SRGAP1: variants seen among roughly 807,000 people sequenced by gnomAD.
SRGAP1 encodes SLIT-ROBO Rho GTPase-activating protein 1.
SRGAP1 carries 43 observed loss-of-function variants against 121.9 expected under a neutral mutation model. That is an observed-to-expected ratio of 0.35 (90% CI 0.28 to 0.46). SRGAP1 has a LOEUF of 0.46. SRGAP1 is among the 20% of genes least tolerant of loss of function. The pLI is 1.00. For synonymous variants in SRGAP1, 447 were observed against 485.4 expected (o/e 0.92, Z 1.04); for missense variants, 1,102 against 1,350.9 (o/e 0.82, Z 2.89).
At chr12:63,989,785 C>G (rs747270971) in intron 2 of SRGAP1, 125 bp from the exon 3 acceptor site, 1 of 663,350 alleles carries the variant, frequency 1.5e-6, no homozygotes, top group Non-Finnish European at 2.6e-6. Context: ...CTGAGAAATG[C>G]TCAGAGCAGG....
chr12:64,128,522 C>T (rs563986286), intron 21 of SRGAP1, among the ~76,000 whole-genome samples: 14 of 152,230 alleles, frequency 9.2e-5, no homozygotes, highest in African/African-American at 3.4e-4. Flanking sequence ...AGTGGCCCTG[C>T]CAGATCCTAA....
chr12:64,132,791 G>A (rs1024202566), intron 21 of SRGAP1, among the ~76,000 whole-genome samples: 1 of 152,224 alleles, frequency 6.6e-6, no homozygotes, highest in Non-Finnish European at 1.5e-5. Flanking sequence ...AAGCAATCAA[G>A]GTCTCTCCGA....
intron 3 of SRGAP1, among the ~76,000 whole-genome samples, chr12:64,003,145 G>T (rs1383390992): frequency 6.6e-6 from 1 of 151,828 alleles, no homozygotes; most frequent in Admixed American, 6.6e-5. Context: ...GAGTGCAGTG[G>T]CTCAATCATG....
chr12:63,881,658 C>G (rs1013526218), intron 1 of SRGAP1, among the ~76,000 whole-genome samples: 3 of 152,120 alleles, frequency 2.0e-5, no homozygotes, highest in Non-Finnish European at 2.9e-5. Context: ...ATTCATTTAC[C>G]ACTTTTTATC....
chr12:64,145,836 G>A lies in SRGAP1; in HGVS notation c.*3164G>A, dbSNP rs1398523006. 1 of 152,180 alleles carries A rather than the reference G, an allele frequency of 6.6e-6. No individual in the cohort carries two copies. Among genetic ancestry groups the A allele is most frequent in the Non-Finnish European group, 1.5e-5 (1 of 68,060 alleles). The allele number at this position is 152,180 out of a possible 1,614,324, so 9.4% of individuals were successfully genotyped here. On this transcript the variant is annotated 3_prime_UTR_variant, in exon 22 of 22. Transcript: ENST00000355086. ...GAGAGAAGAAGGATAATGAGGCCTT[G>A]AGGTGTTCTGCCCCCAATTTCAAGG...
chr12:63,934,762 C>T lies in SRGAP1; in HGVS notation c.68-49185C>T, dbSNP rs571520888. On this transcript the variant is annotated intron_variant, in intron 1 of 21. Transcript: ENST00000355086. ...AAGAGTGGAAGGAAATTTGAGGCAGCAGCTCAGCCCCTGCCTGGCCCTTTC... is the reference window on the plus strand; with the variant it reads ...AAGAGTGGAAGGAAATTTGAGGCAGTAGCTCAGCCCCTGCCTGGCCCTTTC... Among the ~76,000 whole-genome samples the T allele has an allele frequency of 2.0e-5, 3 of 152,280 alleles. No homozygotes were observed. The South Asian group carries it at 6.2e-4, about 32-fold the overall frequency.
intron 7 of SRGAP1, among the ~76,000 whole-genome samples, chr12:64,064,036 A>G (rs1216353946): frequency 2.0e-5 from 3 of 152,122 alleles, no homozygotes; most frequent in Non-Finnish European, 2.9e-5. Context: ...CCAAACACAC[A>G]TGGATTTTGA....
At chr12:64,133,512 G>A (rs1461287889) in intron 21 of SRGAP1, among the ~76,000 whole-genome samples, 42 of 152,314 alleles carry the variant, frequency 2.8e-4, no homozygotes, top group Non-Finnish European at 1.5e-5. Context: ...TGTCAGCTCA[G>A]AGCCAGTGTC....
chr12:63,912,362 C>T (rs948006105), intron 1 of SRGAP1, among the ~76,000 whole-genome samples: 1 of 152,178 alleles, frequency 6.6e-6, no homozygotes, highest in Non-Finnish European at 1.5e-5. Flanking sequence ...AATCCCAGCA[C>T]TTTGAGCAGC....
At chr12:63,951,395 C>T (rs1244905041) in intron 1 of SRGAP1, among the ~76,000 whole-genome samples, 2 of 152,078 alleles carry the variant, frequency 1.3e-5, no homozygotes, top group African/African-American at 4.8e-5. Context: ...AACTCCTGAC[C>T]TCAAGTGATT....
chr12:64,082,395 T>C (rs2035863655), intron 10 of SRGAP1, among the ~76,000 whole-genome samples: 1 of 152,146 alleles, frequency 6.6e-6, no homozygotes, highest in Admixed American at 6.5e-5. Context: ...ATTCCGTCTT[T>C]AGCTGCTGAA....
chr12:64,142,303 A>C lies in SRGAP1; in HGVS notation c.2889A>C (p.Glu963Asp). Residue 963 changes from glutamate (E) to aspartate (D), a missense_variant, in exon 22 of 22, where the codon GAA becomes GAC. By Grantham distance (45) the Glu-to-Asp change is conservative. Transcript: ENST00000355086. ...LDPETIAQDIEETMNTALNEL... is the reference protein window; with the variant it reads ...LDPETIAQDIDETMNTALNEL... ...CGATTATTCTTCAATAGGATATTGA[A>C]GAAACGATGAACACAGCTTTGAATG... 2 of 1,612,576 alleles carry C rather than the reference A, an allele frequency of 1.2e-6. No individual in the cohort carries two copies. The highest frequency in any genetic ancestry group is 1.7e-6 in the Non-Finnish European group (2 of 1,178,796).
chr12:64,044,334 A>G (rs1048563606), intron 6 of SRGAP1, among the ~76,000 whole-genome samples: 2 of 152,208 alleles, frequency 1.3e-5, no homozygotes, highest in African/African-American at 4.8e-5. Context: ...TCCCATGTCC[A>G]AAAATGCCAC....
intron 4 of SRGAP1, among the ~76,000 whole-genome samples, chr12:64,022,156 GGT>G (rs146646054): frequency 3.3e-5 from 5 of 150,774 alleles, no homozygotes; most frequent in Non-Finnish European, 5.9e-5. Context: ...CAACAGAATG[GGT>G]GTGTGTGTGT....
At chr12:63,862,662 G>T (rs893964028) in intron 1 of SRGAP1, among the ~76,000 whole-genome samples, 1 of 152,128 alleles carries the variant, frequency 6.6e-6, no homozygotes, top group Non-Finnish European at 1.5e-5. Flanking sequence ...ATTCAGCTTT[G>T]GAACAGTATT....
rs537736978 is a variant in SRGAP1 at position 63,891,565 on chromosome 12, A to G, written c.67+46682A>G. ...CGTAGCACCTAGTAAATCCCTTCAC[A>G]TACTGCTAGCATGGAGGGCATGCTT... On this transcript the variant is annotated intron_variant, in intron 1 of 21. Transcript: ENST00000355086. Among the ~76,000 whole-genome samples, 37 of 152,292 alleles carry G rather than the reference A, an allele frequency of 2.4e-4. No individual in the cohort carries two copies. In the South Asian group the frequency reaches 3.9e-3, roughly 16 times the overall value.
chr12:64,102,507 A>G (rs2036272743), intron 15 of SRGAP1, among the ~76,000 whole-genome samples: 1 of 152,152 alleles, frequency 6.6e-6, no homozygotes, highest in South Asian at 2.1e-4. Context: ...ATTATAGTAC[A>G]TTTTTATTAC....
chr12:64,155,036 T>A lies in SRGAP1; in HGVS notation c.*12364T>A, dbSNP rs988865268. The A allele has an allele frequency of 4.3e-4, 66 of 152,152 alleles. 1 individual carries two copies. Among genetic ancestry groups the A allele is most frequent in the African/African-American group, 1.4e-3 (59 of 41,532 alleles). The allele number at this position is 152,152 out of a possible 1,614,324, so 9.4% of individuals were successfully genotyped here. ...GTTAACATTTGTTAAATATATATATTTTTTTCTTTTTCTTTTTCTTTTTTT... is the reference window on the plus strand; with the variant it reads ...GTTAACATTTGTTAAATATATATATATTTTTCTTTTTCTTTTTCTTTTTTT... On this transcript the variant is annotated 3_prime_UTR_variant, in exon 22 of 22. Coordinates refer to ENST00000355086, the MANE Select transcript of SRGAP1 (RefSeq NM_020762.4).
chr12:64,134,973 C>T (rs138512943), intron 21 of SRGAP1, among the ~76,000 whole-genome samples: 14 of 152,260 alleles, frequency 9.2e-5, no homozygotes, highest in Non-Finnish European at 1.6e-4. Flanking sequence ...GGAGGTGGCT[C>T]CTGAGGAGAG....
Sources: allele counts gnomAD v4.1 joint callset (sites outside exome capture counted in the v4.1 genomes callset), GRCh38; gene constraint gnomAD v4.1.1; transcripts MANE v1.5; gene names NCBI Gene and HGNC (gene_info 2026-07-23, HGNC 2026-07-21).